Variants in SEC22A observed in about 807,000 individuals in gnomAD.
SEC22A encodes the protein SEC22 homolog A, vesicle trafficking protein.
SEC22A carries 22 observed loss-of-function variants against 35.3 expected under a neutral mutation model. The ratio of observed to expected loss-of-function variants is 0.62; its 90% CI spans 0.45 to 0.89. The LOEUF (loss-of-function observed/expected upper bound fraction) is 0.89, where lower values mean the gene tolerates loss of function less well. Ranked by LOEUF, SEC22A falls within the 40% of genes least tolerant of loss-of-function variation. The pLI is 0.00. For missense variants in SEC22A, 354 were observed against 362.5 expected (o/e 0.98, Z 0.19); for synonymous variants, 119 against 129.5 (o/e 0.92, Z 0.55).
intron 6 of SEC22A, among the ~76,000 whole-genome samples, chr3:123,264,319 T>C (rs1190172012): frequency 6.6e-6 from 1 of 152,250 alleles, no homozygotes; most frequent in Non-Finnish European, 1.5e-5. Context: ...TTCAGTTCTT[T>C]GGGATAAATG....
At chr3:123,247,494 C>T (rs1170204507) in intron 5 of SEC22A, among the ~76,000 whole-genome samples, 3 of 152,190 alleles carry the variant, frequency 2.0e-5, no homozygotes, top group Non-Finnish European at 4.4e-5. Context: ...TTATATCCCT[C>T]CTCTTGGGCT....
chr3:123,217,969 C>T (rs949423767), intron 2 of SEC22A, among the ~76,000 whole-genome samples: 4 of 152,054 alleles, frequency 2.6e-5, no homozygotes, highest in African/African-American at 9.7e-5. Context: ...GTGCAACAGG[C>T]CAGAATTGTC....
chr3:123,204,420 T>G (rs1007833132), intron 1 of SEC22A, among the ~76,000 whole-genome samples: 25 of 152,208 alleles, frequency 1.6e-4, no homozygotes, highest in African/African-American at 5.8e-4. Flanking sequence ...TATAAAATGT[T>G]TTTATCTTAA....
At chr3:123,247,836 G>A (rs1180592679) in intron 5 of SEC22A, among the ~76,000 whole-genome samples, 1 of 152,102 alleles carries the variant, frequency 6.6e-6, no homozygotes, top group Non-Finnish European at 1.5e-5. Flanking sequence ...CTATCAAATT[G>A]TATCCAACAC....
chr3:123,253,683 A>G (rs1937652092), intron 5 of SEC22A, among the ~76,000 whole-genome samples: 1 of 148,860 alleles, frequency 6.7e-6, no homozygotes, highest in African/African-American at 2.5e-5. Flanking sequence ...ATTGCACTCT[A>G]GCCTGGGCGA....
intron 2 of SEC22A, among the ~76,000 whole-genome samples, chr3:123,219,616 T>C (rs1937088666): frequency 6.6e-6 from 1 of 152,204 alleles, no homozygotes; most frequent in Non-Finnish European, 1.5e-5. Context: ...ATATGTAAAA[T>C]ACTTAGCAAA....
chr3:123,218,905 A>G (rs1937077548), intron 2 of SEC22A, among the ~76,000 whole-genome samples: 1 of 152,224 alleles, frequency 6.6e-6, no homozygotes, highest in Non-Finnish European at 1.5e-5. Context: ...TACAGAAATC[A>G]TCCCTGCTCT....
chr3:123,257,603 G>T (rs1405598801), intron 5 of SEC22A, among the ~76,000 whole-genome samples: 1 of 152,174 alleles, frequency 6.6e-6, no homozygotes, highest in East Asian at 1.9e-4. Context: ...GGAGGCTGAG[G>T]CAGGAGAATC....
At chr3:123,219,597 T>A (rs2108041513) in intron 2 of SEC22A, among the ~76,000 whole-genome samples, 1 of 152,340 alleles carries the variant, frequency 6.6e-6, no homozygotes, top group South Asian at 2.1e-4. Context: ...ATTGAGAGAA[T>A]GAAACTAAAT....
intron 2 of SEC22A, among the ~76,000 whole-genome samples, chr3:123,217,691 A>G (rs574863142): frequency 3.0e-4 from 46 of 152,356 alleles, no homozygotes; most frequent in Admixed American, 7.2e-4. Context: ...TATATGTAAT[A>G]CAAATAATAT....
In SEC22A at chr3:123,271,783, T is replaced by A; in HGVS notation, c.*61T>A. The A allele has an allele frequency of 7.6e-7, 1 of 1,323,098 alleles. No individual in the cohort carries two copies. Among genetic ancestry groups the A allele is most frequent in the Non-Finnish European group, 1.1e-6 (1 of 929,086 alleles). The allele number at this position is 1,323,098 out of a possible 1,614,324, so 82.0% of individuals were successfully genotyped here. A position where few individuals can be genotyped will look rare whatever the true frequency, so the allele number is the denominator to read the frequency against. ...GGATAAGGAGGGAACATATCATAAC[T>A]GCACTGTGATGAAGAAGCTGTTCCC... On this transcript the variant is annotated 3_prime_UTR_variant, in exon 7 of 7. Transcript: ENST00000492595.
rs561253073 is a variant in SEC22A at position 123,217,519 on chromosome 3, A to G, written c.183-6040A>G. Among the ~76,000 whole-genome samples the G allele has an allele frequency of 3.1e-4, 46 of 148,708 alleles. 1 individual carries two copies. The South Asian group carries it at 3.9e-3, about 12-fold the overall frequency. On this transcript the variant is annotated intron_variant, in intron 2 of 6. Coordinates refer to ENST00000492595, the MANE Select transcript of SEC22A (RefSeq NM_012430.5). ...TGAGCCACCGCACCCGGCCCAAAAC[A>G]TTTTTTTATACTTGGCAAATTTAAC...
chr3:123,273,644 C>G lies in SEC22A; in HGVS notation c.*1922C>G, dbSNP rs1938224335. Reference sequence around the variant, plus strand: ...CCAACGTGGTGAAACCTCATCTCTACTAAAAATACAAAATTTAGCTGGGTG... The same window carrying G: ...CCAACGTGGTGAAACCTCATCTCTAGTAAAAATACAAAATTTAGCTGGGTG... On this transcript the variant is annotated 3_prime_UTR_variant, in exon 7 of 7. Transcript: ENST00000492595. 6.6e-6 allele frequency: 1 copy of G among 152,072 alleles called. No homozygotes were observed. The highest frequency in any genetic ancestry group is 2.4e-5 in the African/African-American group (1 of 41,390). 9.4% of individuals were successfully genotyped at this position (152,072 alleles called of 1,614,324 possible). A position where few individuals can be genotyped will look rare whatever the true frequency, so the allele number is the denominator to read the frequency against.
At chr3:123,223,120 C>A (rs1216739214) in intron 2 of SEC22A, among the ~76,000 whole-genome samples, 2 of 152,190 alleles carry the variant, frequency 1.3e-5, no homozygotes, top group Non-Finnish European at 2.9e-5. Context: ...GGTCAGTGAT[C>A]ACCTTGAAAT....
At chr3:123,238,634 CT>C (rs1193340605) in intron 4 of SEC22A, among the ~76,000 whole-genome samples, 1 of 152,190 alleles carries the variant, frequency 6.6e-6, no homozygotes, top group Non-Finnish European at 1.5e-5. Flanking sequence ...ATTTTAGAAT[CT>C]GTTTAATAGT....
chr3:123,217,744 C>T (rs1360424569), intron 2 of SEC22A, among the ~76,000 whole-genome samples: 1 of 152,146 alleles, frequency 6.6e-6, no homozygotes, highest in Non-Finnish European at 1.5e-5. Flanking sequence ...CATTTGCTAT[C>T]TATGTACCTT....
At chr3:123,221,949 C>T (rs371309058) in intron 2 of SEC22A, among the ~76,000 whole-genome samples, 1 of 151,808 alleles carries the variant, frequency 6.6e-6, no homozygotes, top group East Asian at 1.9e-4. Context: ...TTATAAATAC[C>T]ATGCCCCTTT....
chr3:123,210,209 G>A (rs2332472), intron 2 of SEC22A, among the ~76,000 whole-genome samples: 135,483 of 152,232 alleles, frequency 0.89, 60,475 homozygotes, highest in African/African-American at 0.96. Context: ...AATAAAGGAG[G>A]AAGTGGAAGC....
intron 5 of SEC22A, among the ~76,000 whole-genome samples, chr3:123,253,861 A>G (rs1281591806): frequency 6.6e-6 from 1 of 152,040 alleles, no homozygotes; most frequent in African/African-American, 2.4e-5. Context: ...TTATATGCTA[A>G]TTCATTGTTA....
Sources: allele counts gnomAD v4.1 joint callset (sites outside exome capture counted in the v4.1 genomes callset), GRCh38; gene constraint gnomAD v4.1.1; transcripts MANE v1.5; gene names NCBI Gene and HGNC (gene_info 2026-07-23, HGNC 2026-07-21).